ABCC1: variants seen among roughly 807,000 people sequenced by gnomAD.
ABCC1 encodes the protein multidrug resistance-associated protein 1.
Under a neutral mutation model 172.9 loss-of-function variants are expected in ABCC1, and 83 were observed. The observed-to-expected ratio is 0.48, with a 90% CI of 0.40 to 0.58. ABCC1 has a LOEUF of 0.58. ABCC1 is among the 20% of genes least tolerant of loss of function. The pLI is 0.00. For synonymous variants in ABCC1, 937 were observed against 825.2 expected (o/e 1.14, Z -2.32); for missense variants, 1,817 against 2,002.7 (o/e 0.91, Z 1.77).
chr16:15,981,641 A>AT (rs2046622566), intron 1 of ABCC1, among the ~76,000 whole-genome samples: 1 of 151,938 alleles, frequency 6.6e-6, no homozygotes, highest in Admixed American at 6.6e-5. Context: ...CTATGGAATC[A>AT]TTTTTTCCTC....
At chr16:15,976,160 G>C (rs762772406) in intron 1 of ABCC1, among the ~76,000 whole-genome samples, 1 of 152,054 alleles carries the variant, frequency 6.6e-6, no homozygotes, top group Non-Finnish European at 1.5e-5. Context: ...CCAGCTACTC[G>C]GGAGGCTGAG....
rs145211319 is a variant in ABCC1, at chr16:16,060,802, G to A, written c.1677+4507G>A. On this transcript the variant is annotated intron_variant, in intron 12 of 30. Coordinates refer to ENST00000399410, the MANE Select transcript of ABCC1 (RefSeq NM_004996.4). ...CTCCCAACGTGCTGGGATTACAAGC[G>A]TGAGCCACCGCGCCTGGACTCTCCT... Among the ~76,000 whole-genome samples, 895 of 151,914 alleles carry A rather than the reference G, an allele frequency of 5.9e-3. 4 individuals are homozygous for A. The highest frequency in any genetic ancestry group is 0.018 in the African/African-American group (736 of 41,434).
At chr16:16,050,631 G>C (rs764902419) in intron 10 of ABCC1, among the ~76,000 whole-genome samples, 6 of 150,552 alleles carry the variant, frequency 4.0e-5, no homozygotes, top group East Asian at 2.0e-4. Context: ...GGTGGCATGC[G>C]CCTGTAATCC....
intron 1 of ABCC1, among the ~76,000 whole-genome samples, chr16:15,984,739 C>T (rs889173200): frequency 7.9e-5 from 12 of 151,994 alleles, no homozygotes; most frequent in African/African-American, 1.2e-4. Context: ...CCACCGCGCC[C>T]GGCCTATATA....
chr16:16,009,149 G>T (rs1360972129), intron 2 of ABCC1, among the ~76,000 whole-genome samples: 4 of 151,914 alleles, frequency 2.6e-5, no homozygotes, highest in African/African-American at 4.8e-5. Context: ...TGTAGAGACA[G>T]GGTCTCGCCT....
intron 5 of ABCC1, among the ~76,000 whole-genome samples, chr16:16,029,278 G>A (rs898225062): frequency 2.6e-5 from 4 of 151,876 alleles, no homozygotes; most frequent in Non-Finnish European, 4.4e-5. Flanking sequence ...GCTGGAGTGC[G>A]ATGGCACAAT....
At chr16:16,091,533 C>A (rs1031903842) in intron 19 of ABCC1, among the ~76,000 whole-genome samples, 10 of 152,066 alleles carry the variant, frequency 6.6e-5, no homozygotes, top group Non-Finnish European at 1.3e-4. Flanking sequence ...GAAACCCTCT[C>A]TGGGGAGGTT....
chr16:16,080,824 C>T (rs1272448171), intron 16 of ABCC1, among the ~76,000 whole-genome samples: 2 of 152,172 alleles, frequency 1.3e-5, no homozygotes, highest in Non-Finnish European at 2.9e-5. Flanking sequence ...GCACATTTGT[C>T]TCTTGGAATC....
intron 5 of ABCC1, among the ~76,000 whole-genome samples, chr16:16,031,582 C>T (rs1200610774): frequency 6.6e-6 from 1 of 152,160 alleles, no homozygotes; most frequent in Non-Finnish European, 1.5e-5. Flanking sequence ...GTAGACTACT[C>T]AGGCCCCTTC....
chr16:16,077,803 A>G (rs1034689373), intron 15 of ABCC1, among the ~76,000 whole-genome samples: 2 of 152,224 alleles, frequency 1.3e-5, no homozygotes, highest in Non-Finnish European at 2.9e-5. Flanking sequence ...TGGGCACATC[A>G]CCTGAAGTCC....
chr16:16,052,442 A>G (rs886920117), intron 10 of ABCC1, among the ~76,000 whole-genome samples: 3 of 151,946 alleles, frequency 2.0e-5, no homozygotes, highest in African/African-American at 7.3e-5. Flanking sequence ...AAAAAAAAAA[A>G]ATTAGAATCC....
At chr16:16,047,358 C>A (rs2049252549) in intron 9 of ABCC1, among the ~76,000 whole-genome samples, 1 of 152,128 alleles carries the variant, frequency 6.6e-6, no homozygotes, top group African/African-American at 2.4e-5. Flanking sequence ...GTGGCATGAT[C>A]TTGGCTCACT....
At chr16:16,039,231 G>A (rs1218542089) in intron 7 of ABCC1, among the ~76,000 whole-genome samples, 5 of 141,844 alleles carry the variant, frequency 3.5e-5, no homozygotes, top group Admixed American at 1.4e-4. Context: ...GTGTGTGTGT[G>A]TGTATGTATG....
intron 27 of ABCC1, 107 bp from the exon 28 acceptor site, chr16:16,134,243 G>T: frequency 1.4e-6 from 2 of 1,426,242 alleles, no homozygotes; most frequent in South Asian, 1.2e-5. Flanking sequence ...GAGTTGGGTT[G>T]ACCAGATGAC....
At chr16:15,994,001 C>T (rs945742308) in intron 1 of ABCC1, among the ~76,000 whole-genome samples, 3 of 152,058 alleles carry the variant, frequency 2.0e-5, no homozygotes, top group Non-Finnish European at 4.4e-5. Context: ...GAGGCCGAGG[C>T]GGGCAGACTG....
chr16:15,980,186 G>A (rs2046588640), intron 1 of ABCC1, among the ~76,000 whole-genome samples: 1 of 152,078 alleles, frequency 6.6e-6, no homozygotes, highest in African/African-American at 2.4e-5. Flanking sequence ...CAGGCCCAGG[G>A]GCAAATAGTC....
chr16:16,110,884 T>C (rs770933116), intron 21 of ABCC1, among the ~76,000 whole-genome samples: 3 of 152,066 alleles, frequency 2.0e-5, no homozygotes, highest in Non-Finnish European at 1.5e-5. Flanking sequence ...GCTCCATGCA[T>C]GAGGGCAGAG....
At chr16:16,082,750 T>A (rs2050854177) in intron 16 of ABCC1, among the ~76,000 whole-genome samples, 1 of 152,154 alleles carries the variant, frequency 6.6e-6, no homozygotes, top group Admixed American at 6.5e-5. Flanking sequence ...TGGGCTCAGG[T>A]GATCCTCCCA....
rs144456430 is a variant in ABCC1, at chr16:16,109,394, C to G, written c.2872-1981C>G. Among the ~76,000 whole-genome samples, 835 of 152,240 alleles carry G rather than the reference C, an allele frequency of 5.5e-3. 4 individuals carry two copies. Among genetic ancestry groups the G allele is most frequent in the Non-Finnish European group, 6.5e-3 (442 of 68,018 alleles). On this transcript the variant is annotated intron_variant, in intron 21 of 30. Coordinates refer to ENST00000399410, the MANE Select transcript of ABCC1 (RefSeq NM_004996.4). The stretch of plus-strand genomic sequence containing the variant: ...GTCTTACTGTGTTTCCCAGGCTGGT[C>G]TCAAACTCCTGGGCTCAAGTCATTG...
Sources: allele counts gnomAD v4.1 joint callset (sites outside exome capture counted in the v4.1 genomes callset), GRCh38; gene constraint gnomAD v4.1.1; transcripts MANE v1.5; gene names NCBI Gene and HGNC (gene_info 2026-07-23, HGNC 2026-07-21).